LRRIQ1: variants seen among roughly 807,000 people sequenced by gnomAD.
LRRIQ1 encodes leucine rich repeats and IQ motif containing 1.
LRRIQ1 carries 210 observed loss-of-function variants against 211.9 expected under a neutral mutation model. The ratio of observed to expected loss-of-function variants is 0.99; its 90% confidence interval spans 0.89 to 1.11. The LOEUF (loss-of-function observed/expected upper bound fraction) is 1.11. LRRIQ1 is among the 50% of genes most tolerant of loss of function. LRRIQ1 has a pLI of 0.00. For synonymous variants in LRRIQ1, 699 were observed against 650.1 expected, an observed-to-expected ratio of 1.08 and a Z score of -1.14; for missense variants, 2,136 against 1,939.5, an observed-to-expected ratio of 1.10 and a Z score of -1.90.
At chr12:85,211,224 T>A (rs1009799448) in intron 24 of LRRIQ1, among the ~76,000 whole-genome samples, 2 of 152,212 alleles carry the variant, frequency 1.3e-5, no homozygotes, top group Non-Finnish European at 2.9e-5. Flanking sequence ...TTCACTCTTA[T>A]ATACCCAAGG....
At chr12:85,067,704 C>T (rs1302358612) in intron 10 of LRRIQ1, among the ~76,000 whole-genome samples, 2 of 151,774 alleles carry the variant, frequency 1.3e-5, no homozygotes, top group Non-Finnish European at 2.9e-5. Flanking sequence ...TAAATATTCC[C>T]ATCAGCCCGT....
At chr12:85,130,714 T>C (rs1565856705) in intron 18 of LRRIQ1, among the ~76,000 whole-genome samples, 1 of 152,168 alleles carries the variant, frequency 6.6e-6, no homozygotes, top group East Asian at 1.9e-4. Flanking sequence ...TTAGACTGCC[T>C]AAACATTCTG....
intron 24 of LRRIQ1, among the ~76,000 whole-genome samples, chr12:85,189,332 G>C (rs1892379725): frequency 6.6e-6 from 1 of 152,018 alleles, no homozygotes; most frequent in Admixed American, 6.6e-5. Flanking sequence ...CCTCTAAGAA[G>C]TGCCTTTACA....
At chr12:85,259,736 T>C (rs1346586047) in intron 1 of LRRIQ1, among the ~76,000 whole-genome samples, 1 of 152,160 alleles carries the variant, frequency 6.6e-6, no homozygotes, top group Non-Finnish European at 1.5e-5. Flanking sequence ...AAAGCTGTCT[T>C]GTAATATTAC....
intron 11 of LRRIQ1, among the ~76,000 whole-genome samples, chr12:85,088,958 C>T (rs914906398): frequency 3.9e-5 from 6 of 152,148 alleles, no homozygotes; most frequent in African/African-American, 1.4e-4. Flanking sequence ...ATTGCCCTGG[C>T]CAAAACTTCC....
intron 1 of LRRIQ1, among the ~76,000 whole-genome samples, chr12:85,261,554 AT>A (rs369051146): frequency 7.6e-4 from 113 of 147,932 alleles, no homozygotes; most frequent in African/African-American, 2.4e-3. Context: ...AAAACATTCT[AT>A]TTTTTTTTTC....
At position 85,146,886 on chromosome 12, in the gene LRRIQ1, G is replaced by T. The variant is rs568159786; in HGVS notation, c.4330-5394G>T. Among the ~76,000 whole-genome samples, 3 of 151,726 alleles carry T rather than the reference G, an allele frequency of 2.0e-5. No individual in the cohort carries two copies. The East Asian group carries it at 5.9e-4, about 30-fold the overall frequency. On this transcript the variant is annotated intron_variant, in intron 19 of 26. Transcript: ENST00000393217. ...GAAAAGAGATACTCATCATACCCAGGAATAGTCAGGATAGAATCCTGAGTT... is the reference window on the plus strand; with the variant it reads ...GAAAAGAGATACTCATCATACCCAGTAATAGTCAGGATAGAATCCTGAGTT...
At chr12:85,246,580 C>T (rs1340680086), downstream of LRRIQ1, among the ~76,000 whole-genome samples, 1 of 151,396 alleles carries the variant, frequency 6.6e-6, no homozygotes, top group Non-Finnish European at 1.5e-5. Context: ...CAAGTTTCAT[C>T]ATTCACTTAC....
At chr12:85,163,607 C>T (rs1349098046) in intron 24 of LRRIQ1, among the ~76,000 whole-genome samples, 2 of 151,958 alleles carry the variant, frequency 1.3e-5, no homozygotes, top group African/African-American at 2.4e-5. Context: ...ATGGGGTTTC[C>T]ATGATTCTTC....
At chr12:85,057,548 C>G (rs1881270105) in intron 8 of LRRIQ1, among the ~76,000 whole-genome samples, 2 of 152,010 alleles carry the variant, frequency 1.3e-5, no homozygotes, top group Admixed American at 6.6e-5. Context: ...ACTTGAGCCA[C>G]CACACCACCT....
At chr12:85,255,873 A>G (rs545381037) in intron 1 of LRRIQ1, among the ~76,000 whole-genome samples, 28 of 151,868 alleles carry the variant, frequency 1.8e-4, no homozygotes, top group Admixed American at 5.3e-4. Flanking sequence ...GACCTAGAAG[A>G]TGAAAATTAA....
chr12:85,112,766 T>C (rs1045986037), intron 15 of LRRIQ1, among the ~76,000 whole-genome samples: 1 of 152,094 alleles, frequency 6.6e-6, no homozygotes, highest in Non-Finnish European at 1.5e-5. Context: ...GTTGGACTCA[T>C]GTAATGAGAA....
chr12:85,143,252 T>A (rs1461267038), intron 19 of LRRIQ1, among the ~76,000 whole-genome samples: 1 of 151,808 alleles, frequency 6.6e-6, no homozygotes, highest in East Asian at 1.9e-4. Context: ...CACTTGTATG[T>A]CTTCTTTTAA....
chr12:85,194,221 A>C (rs2136965630), intron 24 of LRRIQ1, among the ~76,000 whole-genome samples: 1 of 126,648 alleles, frequency 7.9e-6, no homozygotes. Context: ...AACATTAATA[A>C]TGGGAGACTT....
At chr12:85,096,112 C>CTTTCAA (rs1347979170) in intron 11 of LRRIQ1, among the ~76,000 whole-genome samples, 6 of 152,064 alleles carry the variant, frequency 3.9e-5, no homozygotes, top group Admixed American at 3.9e-4. Context: ...AAAGAAAGAG[C>CTTTCAA]TTTCAATTTT....
At chr12:85,174,128 T>C (rs1203345735) in intron 24 of LRRIQ1, among the ~76,000 whole-genome samples, 1 of 151,820 alleles carries the variant, frequency 6.6e-6, no homozygotes, top group Non-Finnish European at 1.5e-5. Context: ...ATAATAAAGA[T>C]ACCAGATGAA....
chr12:85,123,755 T>C (rs1000770720), intron 16 of LRRIQ1, among the ~76,000 whole-genome samples: 1 of 152,178 alleles, frequency 6.6e-6, no homozygotes, highest in African/African-American at 2.4e-5. Flanking sequence ...AGCCATGATT[T>C]CTCATGTTTA....
At chr12:85,188,187 T>G (rs1020395873) in intron 24 of LRRIQ1, among the ~76,000 whole-genome samples, 2 of 152,020 alleles carry the variant, frequency 1.3e-5, no homozygotes, top group African/African-American at 4.8e-5. Flanking sequence ...TACATCAAAT[T>G]ATATTAGAGT....
chr12:85,111,631 G>A (rs951252909), intron 15 of LRRIQ1, among the ~76,000 whole-genome samples: 3 of 152,092 alleles, frequency 2.0e-5, no homozygotes, highest in African/African-American at 7.2e-5. Context: ...GTGAGCAATA[G>A]AGAACATTTG....
Sources: allele counts gnomAD v4.1 joint callset (sites outside exome capture counted in the v4.1 genomes callset), GRCh38; gene constraint gnomAD v4.1.1; transcripts MANE v1.5; gene names NCBI Gene and HGNC (gene_info 2026-07-23, HGNC 2026-07-21).